SUMF1: variants seen among roughly 807,000 people sequenced by gnomAD.
The protein encoded by SUMF1 is sulfatase modifying factor 1, also known as formylglycine-generating enzyme.
SUMF1 carries 48 observed loss-of-function variants against 47.6 expected under a neutral mutation model. That is an observed-to-expected ratio of 1.01 (90% CI 0.80 to 1.28). The LOEUF is 1.28. Among genes scored for constraint, SUMF1 ranks in the 50% most tolerant of loss-of-function variants. The pLI, the probability that SUMF1 is intolerant of heterozygous loss-of-function variation, is 0.00. For missense variants in SUMF1, 571 were observed against 485.4 expected (o/e 1.18, Z -1.66); for synonymous variants, 230 against 192.1 (o/e 1.20, Z -1.63).
At chr3:4,078,509 G>A (rs1005585591) in intron 8 of SUMF1, among the ~76,000 whole-genome samples, 1 of 152,096 alleles carries the variant, frequency 6.6e-6, no homozygotes, top group Non-Finnish European at 1.5e-5. Context: ...CTAAAAAAAT[G>A]AATAATGCAA....
intron 8 of SUMF1, among the ~76,000 whole-genome samples, chr3:4,150,769 T>C (rs1217257962): frequency 1.3e-5 from 2 of 151,608 alleles, no homozygotes; most frequent in East Asian, 3.9e-4. Flanking sequence ...TGCTTTTGTA[T>C]CATCATAGCT....
intron 8 of SUMF1, chr3:4,229,444 T>C (rs1222797181): frequency 3.9e-6 from 1 of 259,044 alleles, no homozygotes; most frequent in African/African-American, 2.3e-5. Flanking sequence ...CACCATTCCT[T>C]ACTAACCAGG....
intron 9 of SUMF1, among the ~76,000 whole-genome samples, chr3:4,047,557 G>A (rs1001707794): frequency 6.6e-6 from 1 of 152,134 alleles, no homozygotes; most frequent in African/African-American, 2.4e-5. Flanking sequence ...GCAGCCCAGT[G>A]GGGAGGTCAT....
rs549988414 is a variant in SUMF1 at position 4,420,200 on chromosome 3, A to C, written c.520-54T>G. 1.7e-5 allele frequency: 24 copies of C among 1,413,860 alleles called. No homozygotes were observed. In the East Asian group the frequency reaches 5.5e-4, roughly 32 times the overall value. 87.6% of individuals were successfully genotyped at this position (1,413,860 alleles called of 1,614,324 possible). On this transcript the variant is annotated intron_variant, in intron 3 of 8. Coordinates refer to ENST00000272902, the MANE Select transcript of SUMF1 (RefSeq NM_182760.4). ...TAGCTACTAACATCAACTCTAGAAAAATATCAACTCAGTACATGCAGCAAA... is the reference window on the plus strand; with the variant it reads ...TAGCTACTAACATCAACTCTAGAAACATATCAACTCAGTACATGCAGCAAA...
intron 8 of SUMF1, among the ~76,000 whole-genome samples, chr3:4,211,842 A>G (rs557010292): frequency 2.0e-5 from 3 of 152,282 alleles, no homozygotes; most frequent in Non-Finnish European, 2.9e-5. Context: ...GGAGGAGCCC[A>G]CTGCAGTTCA....
intron 8 of SUMF1, among the ~76,000 whole-genome samples, chr3:4,180,504 G>A (rs367721734): frequency 1.2e-4 from 18 of 151,920 alleles, no homozygotes; most frequent in African/African-American, 4.1e-4. Flanking sequence ...GAGATCACTT[G>A]GACACAGGGC....
chr3:4,261,807 A>G (rs576196214), intron 8 of SUMF1, among the ~76,000 whole-genome samples: 32 of 152,320 alleles, frequency 2.1e-4, no homozygotes, highest in Admixed American at 5.9e-4. Flanking sequence ...CAAAGGCCCC[A>G]CAACTAGTGC....
intron 8 of SUMF1, among the ~76,000 whole-genome samples, chr3:4,094,698 T>C (rs1345901529): frequency 6.6e-6 from 1 of 152,076 alleles, no homozygotes; most frequent in Non-Finnish European, 1.5e-5. Flanking sequence ...TGCCAGCCTG[T>C]GCTCAAAACC....
At chr3:4,160,440 A>G (rs1694550076) in intron 8 of SUMF1, among the ~76,000 whole-genome samples, 1 of 151,912 alleles carries the variant, frequency 6.6e-6, no homozygotes, top group Non-Finnish European at 1.5e-5. Flanking sequence ...GGATTTCACC[A>G]TGTTGGCCAG....
chr3:4,423,998 G>A (rs1021488640), intron 3 of SUMF1, among the ~76,000 whole-genome samples: 1 of 152,198 alleles, frequency 6.6e-6, no homozygotes, highest in African/African-American at 2.4e-5. Context: ...GCAAAACCAT[G>A]AGCCAAACAG....
At chr3:4,430,032 A>G (rs554321596) in intron 3 of SUMF1, among the ~76,000 whole-genome samples, 1 of 152,330 alleles carries the variant, frequency 6.6e-6, no homozygotes. Context: ...AAATTCCCTC[A>G]TTTTATAAAT....
chr3:4,383,105 G>A (rs556889278), intron 7 of SUMF1, among the ~76,000 whole-genome samples: 10 of 152,028 alleles, frequency 6.6e-5, no homozygotes, highest in South Asian at 2.1e-4. Flanking sequence ...AGGGCCGGGC[G>A]CAGTGGCTCA....
At chr3:4,368,261 G>C (rs568332335) in intron 8 of SUMF1, among the ~76,000 whole-genome samples, 1 of 152,218 alleles carries the variant, frequency 6.6e-6, no homozygotes, top group African/African-American at 2.4e-5. Context: ...GGCCATCAGA[G>C]AAATGCAAAT....
At chr3:4,034,630 A>G (rs990385508) in intron 9 of SUMF1, among the ~76,000 whole-genome samples, 5 of 152,100 alleles carry the variant, frequency 3.3e-5, no homozygotes, top group Admixed American at 6.6e-5. Context: ...AGAGACTTAC[A>G]TGGGTATCCA....
rs138208864 is a variant in SUMF1 at position 4,366,694 on chromosome 3, C to T, written c.1015-4440G>A. 7.9e-5 allele frequency among the ~76,000 whole-genome samples: 12 copies of T among 152,324 alleles called. No individual in the cohort carries two copies. The East Asian group carries it at 2.3e-3, about 29-fold the overall frequency. ...CTGTAGCTCGGAGTAGTTCAATCGT[C>T]TGAAGCCTTCTTCTCTCAACTCGTC... On this transcript the variant is annotated intron_variant, in intron 8 of 8. Coordinates refer to ENST00000272902, the MANE Select transcript of SUMF1 (RefSeq NM_182760.4).
chr3:4,076,521 G>A (rs1692438441), intron 8 of SUMF1, among the ~76,000 whole-genome samples: 1 of 152,098 alleles, frequency 6.6e-6, no homozygotes, highest in Non-Finnish European at 1.5e-5. Flanking sequence ...AAGAGCTTCT[G>A]CACAGCAAAT....
intron 8 of SUMF1, among the ~76,000 whole-genome samples, chr3:4,224,350 CTG>C (rs1327833000): frequency 6.6e-6 from 1 of 152,076 alleles, no homozygotes. Context: ...TAATGAGTAA[CTG>C]TTTTTTATTG....
intron 8 of SUMF1, among the ~76,000 whole-genome samples, chr3:4,084,143 G>T (rs918633712): frequency 1.3e-5 from 2 of 152,070 alleles, no homozygotes; most frequent in Non-Finnish European, 2.9e-5. Context: ...TCCTTTGGAA[G>T]TCATTAAATG....
chr3:4,374,683 C>G (rs1700268054), intron 8 of SUMF1, among the ~76,000 whole-genome samples: 1 of 152,110 alleles, frequency 6.6e-6, no homozygotes, highest in Non-Finnish European at 1.5e-5. Flanking sequence ...TTTTGAGATA[C>G]TACTGTACAA....
Sources: allele counts gnomAD v4.1 joint callset (sites outside exome capture counted in the v4.1 genomes callset), GRCh38; gene constraint gnomAD v4.1.1; transcripts MANE v1.5; gene names NCBI Gene and HGNC (gene_info 2026-07-23, HGNC 2026-07-21).